MED13: variants seen among roughly 807,000 people sequenced by gnomAD.
MED13 encodes the protein mediator complex subunit 13.
Under a neutral mutation model 225.2 loss-of-function variants are expected in MED13, and 23 were observed. The observed-to-expected ratio is 0.10, with a 90% confidence interval of 0.07 to 0.14. The LOEUF is 0.14. MED13 is among the 10% of genes least tolerant of loss of function. The pLI is 1.00. For synonymous variants in MED13, 942 were observed against 889.2 expected (o/e 1.06, Z -1.06); for missense variants, 2,197 against 2,594.5 (o/e 0.85, Z 3.33).
Position 62,001,931 on chromosome 17 carries a change from C to A in MED13, c.1968-6566G>T, listed in dbSNP as rs185148814. 2.0e-3 allele frequency among the ~76,000 whole-genome samples: 311 copies of A among 152,180 alleles called. 2 individuals are homozygous for A. Among genetic ancestry groups the A allele is most frequent in the African/African-American group, 6.6e-3 (276 of 41,528 alleles). Reference sequence around the variant, plus strand: ...AAAATAATACTCCTAAGAAGAGATACAAAATGCAGAGGACTTGCAACAGCC... The same window carrying A: ...AAAATAATACTCCTAAGAAGAGATAAAAAATGCAGAGGACTTGCAACAGCC... On this transcript the variant is annotated intron_variant, in intron 9 of 29. Coordinates refer to ENST00000397786, the MANE Select transcript of MED13 (RefSeq NM_005121.3).
chr17:62,049,679 C>A (rs2080937334), intron 3 of MED13, among the ~76,000 whole-genome samples: 1 of 152,146 alleles, frequency 6.6e-6, no homozygotes, highest in East Asian at 1.9e-4. Context: ...CGCCTGTAAT[C>A]CCAGCACTTG....
chr17:62,042,398 C>T (rs181734662), intron 3 of MED13, among the ~76,000 whole-genome samples: 2 of 152,020 alleles, frequency 1.3e-5, no homozygotes, highest in African/African-American at 4.8e-5. Flanking sequence ...CCCGACTCTA[C>T]TAAAAACATA....
chr17:62,047,926 C>T (rs1763724396), intron 3 of MED13, among the ~76,000 whole-genome samples: 1 of 150,824 alleles, frequency 6.6e-6, no homozygotes, highest in South Asian at 2.1e-4. Flanking sequence ...TAAAGAAAGC[C>T]GGGTGCAGTG....
chr17:61,957,117 GCT>G (rs1477833331), intron 23 of MED13, among the ~76,000 whole-genome samples: 1 of 151,928 alleles, frequency 6.6e-6, no homozygotes, highest in African/African-American at 2.4e-5. Context: ...CACAATCTCG[GCT>G]CACTGCAACC....
rs1387046605 is a variant in MED13 at position 61,987,371 on chromosome 17, T to C, written c.2264-243A>G. ...ACTGCTTGAACCCAGGAGGCAGAGG[T>C]TGCAGTGAGCCGAGATAGCACCATT... On this transcript the variant is annotated intron_variant, in intron 11 of 29. Coordinates refer to ENST00000397786, the MANE Select transcript of MED13 (RefSeq NM_005121.3). Among the ~76,000 whole-genome samples the C allele has an allele frequency of 6.6e-6, 1 of 152,064 alleles. No homozygotes were observed. The highest frequency in any genetic ancestry group is 1.9e-4 in the East Asian group (1 of 5,158).
intron 8 of MED13, among the ~76,000 whole-genome samples, chr17:62,011,788 T>C (rs145582580): frequency 2.6e-5 from 4 of 152,102 alleles, no homozygotes; most frequent in African/African-American, 4.8e-5. Flanking sequence ...TCCAAATACT[T>C]AGCACTACAA....
At chr17:61,974,624 A>G (rs1199625409) in intron 16 of MED13, among the ~76,000 whole-genome samples, 1 of 152,182 alleles carries the variant, frequency 6.6e-6, no homozygotes, top group Non-Finnish European at 1.5e-5. Flanking sequence ...AAATCCAGAA[A>G]TCAAACCTCA....
intron 3 of MED13, among the ~76,000 whole-genome samples, chr17:62,041,973 C>T (rs2080856563): frequency 6.6e-6 from 1 of 152,130 alleles, no homozygotes; most frequent in South Asian, 2.1e-4. Flanking sequence ...CTAAAATTTC[C>T]AAAGCCCAGA....
intron 18 of MED13, among the ~76,000 whole-genome samples, chr17:61,967,342 C>A (rs1366810975): frequency 6.6e-6 from 1 of 152,102 alleles, no homozygotes; most frequent in Non-Finnish European, 1.5e-5. Context: ...CCAAATAACA[C>A]CCTTTGGGAA....
chr17:61,986,841 T>G (rs1185500147), intron 12 of MED13, among the ~76,000 whole-genome samples, 166 bp downstream of exon 12: 1 of 152,176 alleles, frequency 6.6e-6, no homozygotes, highest in African/African-American at 2.4e-5. Flanking sequence ...GCAAGACTAC[T>G]CAAACATGAG....
chr17:61,995,850 T>G (rs920838883), intron 9 of MED13, among the ~76,000 whole-genome samples: 2 of 152,238 alleles, frequency 1.3e-5, no homozygotes, highest in African/African-American at 4.8e-5. Context: ...TTTTAAATTT[T>G]TGAAGGCCTG....
intron 9 of MED13, chr17:62,006,483 C>G (rs1028406862): frequency 2.0e-5 from 3 of 152,034 alleles, no homozygotes; most frequent in Non-Finnish European, 4.4e-5. Context: ...CCAAAAATTC[C>G]CCATCCAGTT....
intron 3 of MED13, among the ~76,000 whole-genome samples, chr17:62,048,029 TACATATAC>T (rs909097775): frequency 1.7e-4 from 21 of 123,256 alleles, no homozygotes; most frequent in Non-Finnish European, 2.6e-4. Context: ...TATATACATA[TACATATAC>T]ATATACATAT....
At chr17:61,976,924 T>C (rs1473995351) in intron 16 of MED13, among the ~76,000 whole-genome samples, 1 of 152,158 alleles carries the variant, frequency 6.6e-6, no homozygotes, top group Non-Finnish European at 1.5e-5. Context: ...AGAGTGAGAC[T>C]CCGTCTCAAA....
intron 3 of MED13, among the ~76,000 whole-genome samples, chr17:62,046,065 G>C (rs2080894823): frequency 6.6e-6 from 1 of 152,020 alleles, no homozygotes; most frequent in Admixed American, 6.6e-5. Context: ...TCTTTTTTCA[G>C]AATACTTATA....
At chr17:62,062,466 TTA>T (rs1394072190) in intron 2 of MED13, among the ~76,000 whole-genome samples, 6 of 152,180 alleles carry the variant, frequency 3.9e-5, no homozygotes, top group Non-Finnish European at 8.8e-5. Flanking sequence ...TTTTCTCTTA[TTA>T]TGTTTGACAG....
At chr17:62,049,112 AGGG>A (rs2080930744) in intron 3 of MED13, among the ~76,000 whole-genome samples, 1 of 149,794 alleles carries the variant, frequency 6.7e-6, no homozygotes, top group African/African-American at 2.5e-5. Flanking sequence ...ATGAGAAATG[AGGG>A]ATCCAACAAG....
intron 9 of MED13, among the ~76,000 whole-genome samples, chr17:61,996,851 T>C (rs753298049): frequency 1.3e-5 from 2 of 152,194 alleles, no homozygotes; most frequent in African/African-American, 4.8e-5. Context: ...GGTCTAACCT[T>C]TGTTCACTAA....
At chr17:62,063,365 A>G in intron 1 of MED13, 64 bp from the exon 2 acceptor site, 1 of 1,016,626 alleles carries the variant, frequency 9.8e-7, no homozygotes, top group East Asian at 2.4e-5. Context: ...AGTACTCAAT[A>G]TGATGTCTCT....
Sources: allele counts gnomAD v4.1 joint callset (sites outside exome capture counted in the v4.1 genomes callset), GRCh38; gene constraint gnomAD v4.1.1; transcripts MANE v1.5; gene names NCBI Gene and HGNC (gene_info 2026-07-23, HGNC 2026-07-21).